MYZAP: variants seen among roughly 807,000 people sequenced by gnomAD.
MYZAP encodes the protein myocardial zonula adherens protein, also known as GRINL1A complex locus upstream.
MYZAP carries 66 observed loss-of-function variants against 69.4 expected under a neutral mutation model. The observed-to-expected ratio is 0.95, with a 90% CI of 0.78 to 1.17. The LOEUF (loss-of-function observed/expected upper bound fraction) is 1.17. Among genes scored for constraint, MYZAP ranks in the 50% most tolerant of loss-of-function variants. The probability of loss-of-function intolerance (pLI) is 0.00; values close to 1 mark genes in which losing one functional copy is unlikely to be tolerated. For missense variants in MYZAP, 611 were observed against 556.2 expected (o/e 1.10, Z -0.99); for synonymous variants, 256 against 205.9 (o/e 1.24, Z -2.09).
intron 2 of MYZAP, among the ~76,000 whole-genome samples, chr15:57,617,487 C>T (rs6493937): frequency 0.31 from 47,525 of 151,980 alleles, 7,673 homozygotes; most frequent in East Asian, 0.55. Flanking sequence ...GTCACACCAC[C>T]TCTTCCTGGC....
At chr15:57,669,381 G>A (rs555434513) in intron 11 of MYZAP, among the ~76,000 whole-genome samples, 1 of 152,118 alleles carries the variant, frequency 6.6e-6, no homozygotes, top group Admixed American at 6.5e-5. Context: ...TTTGGGTTTT[G>A]TGTGAAGCAA....
At position 57,685,263 on chromosome 15, in the gene MYZAP, T is replaced by A. The variant is rs1336813656; in HGVS notation, c.*765T>A. On this transcript the variant is annotated 3_prime_UTR_variant, in exon 13 of 13. Coordinates refer to ENST00000267853, the MANE Select transcript of MYZAP (RefSeq NM_001018100.5). ...TTAGTGTTCTCAGTATCAATTGGTG[T>A]TTTTGTTAAACGAATGAATCATCTG... is the stretch of plus-strand genomic sequence containing the variant. 2.0e-5 allele frequency: 3 copies of A among 152,246 alleles called. No homozygotes were observed. The highest frequency in any genetic ancestry group is 7.2e-5 in the African/African-American group (3 of 41,458). The allele number at this position is 152,246 out of a possible 1,614,324, so 9.4% of individuals were successfully genotyped here.
intron 1 of MYZAP, among the ~76,000 whole-genome samples, chr15:57,601,685 C>T (rs142548098): frequency 1.4e-4 from 22 of 152,130 alleles, no homozygotes; most frequent in South Asian, 6.2e-4. Context: ...TCCGGGGTCC[C>T]TGGGGGATGA....
At position 57,610,449 on chromosome 15, in the gene MYZAP, G is replaced by A. The variant is rs144790496; in HGVS notation, c.162+6094G>A. Among the ~76,000 whole-genome samples, 162 of 152,240 alleles carry A rather than the reference G, an allele frequency of 1.1e-3. 2 individuals are homozygous for A. The South Asian group carries it at 0.015, about 14-fold the overall frequency. On this transcript the variant is annotated intron_variant, in intron 2 of 12. Coordinates refer to ENST00000267853, the MANE Select transcript of MYZAP (RefSeq NM_001018100.5). ...TGATTCAGAGCTTCAGGTGGGGGCCGGGCTGCCCTTTGTGACAGCACACCA... is the reference window on the plus strand; with the variant it reads ...TGATTCAGAGCTTCAGGTGGGGGCCAGGCTGCCCTTTGTGACAGCACACCA...
In MYZAP at chr15:57,637,737, GA is replaced by G. The variant is rs1441320248; in HGVS notation, c.979del (p.Met327CysfsTer5). On this transcript the variant is annotated frameshift_variant, in exon 9 of 13. Transcript: ENST00000267853. LOFTEE classifies it high-confidence loss of function. The part of the protein sequence containing the change: ...LQLQLLEHET[E>X]MSGELTDSDK... ...ACTTCAACTCCTAGAACATGAAACA[GA>G]AATGTCTGGGGAGTTAACTGATTCT... 3 of 1,612,892 alleles carry G rather than the reference GA, an allele frequency of 1.9e-6. No individual in the cohort carries two copies. In the South Asian group the frequency reaches 3.3e-5, roughly 18 times the overall value.
At chr15:57,669,945 T>C (rs1192663047) in intron 11 of MYZAP, among the ~76,000 whole-genome samples, 1 of 152,182 alleles carries the variant, frequency 6.6e-6, no homozygotes, top group African/African-American at 2.4e-5. Flanking sequence ...TTGAAATTTT[T>C]GTTGATATTT....
intron 8 of MYZAP, among the ~76,000 whole-genome samples, chr15:57,634,768 A>G (rs1407405205): frequency 1.3e-5 from 2 of 152,202 alleles, no homozygotes; most frequent in African/African-American, 4.8e-5. Context: ...TGGGCAAACT[A>G]AAGAGTCAAT....
chr15:57,607,449 G>T (rs951826663), intron 2 of MYZAP, among the ~76,000 whole-genome samples: 2 of 151,780 alleles, frequency 1.3e-5, no homozygotes, highest in African/African-American at 4.9e-5. Context: ...CTTGTCAATA[G>T]GACCCTCTTT....
At position 57,645,490 on chromosome 15, in the gene MYZAP, C is replaced by A. The variant is rs2037397075; in HGVS notation, c.1119+5945C>A. On this transcript the variant is annotated intron_variant, in intron 10 of 12. Coordinates refer to ENST00000267853, the MANE Select transcript of MYZAP (RefSeq NM_001018100.5). ...TGGACTTTAGCATCAGACAAACCTG[C>A]CTTTGAAAAGTTATTAGTTTCCTTG... Among the ~76,000 whole-genome samples, 4 of 152,120 alleles carry A rather than the reference C, an allele frequency of 2.6e-5. 1 individual carries two copies. Among genetic ancestry groups the A allele is most frequent in the Middle Eastern group, 6.3e-3 (2 of 316 alleles).
Position 57,592,013 on chromosome 15 carries a change from C to A in MYZAP, c.-22C>A, listed in dbSNP as rs1449104255. ...CCGGGAGGAACGCCGGCGTCCAGCC[C>A]GCTACCGACCGCCGCTGCGGGATGC... On this transcript the variant is annotated 5_prime_UTR_variant, in exon 1 of 13. Coordinates refer to ENST00000267853, the MANE Select transcript of MYZAP (RefSeq NM_001018100.5). 12 of 1,429,970 alleles carry A rather than the reference C, an allele frequency of 8.4e-6. No homozygotes were observed. Among genetic ancestry groups the A allele is most frequent in the Non-Finnish European group, 1.1e-5 (12 of 1,095,430 alleles). The allele number at this position is 1,429,970 out of a possible 1,614,324, so 88.6% of individuals were successfully genotyped here. A position where few individuals can be genotyped will look rare whatever the true frequency, so the allele number is the denominator to read the frequency against.
intron 8 of MYZAP, among the ~76,000 whole-genome samples, chr15:57,636,765 A>G (rs2036841270): frequency 6.6e-6 from 1 of 152,238 alleles, no homozygotes; most frequent in African/African-American, 2.4e-5. Context: ...GCAAACTTCT[A>G]AATATACATA....
At chr15:57,636,760 C>T (rs1192591060) in intron 8 of MYZAP, among the ~76,000 whole-genome samples, 6 of 152,122 alleles carry the variant, frequency 3.9e-5, no homozygotes, top group Non-Finnish European at 1.5e-5. Flanking sequence ...TTTGGGCAAA[C>T]TTCTAAATAT....
At chr15:57,620,912 A>G (rs1163014142) in intron 3 of MYZAP, among the ~76,000 whole-genome samples, 2 of 151,484 alleles carry the variant, frequency 1.3e-5, no homozygotes, top group East Asian at 3.9e-4. Context: ...TCAACAAACC[A>G]TTTTTTCTTC....
intron 1 of MYZAP, among the ~76,000 whole-genome samples, chr15:57,596,065 T>C (rs1426215180): frequency 6.6e-6 from 1 of 152,210 alleles, no homozygotes; most frequent in Non-Finnish European, 1.5e-5. Context: ...TCTTTCACAT[T>C]GCCTTGTTTG....
intron 10 of MYZAP, chr15:57,648,242 A>T (rs906356691): frequency 1.1e-5 from 11 of 985,278 alleles, no homozygotes; most frequent in Non-Finnish European, 1.3e-5. Flanking sequence ...GGTTCATTCT[A>T]TGACAGGTAT....
chr15:57,618,150 A>T lies in MYZAP; in HGVS notation c.280A>T (p.Thr94Ser). 1.9e-6 allele frequency: 3 copies of T among 1,614,170 alleles called. No homozygotes were observed. The highest frequency in any genetic ancestry group is 2.5e-6 in the Non-Finnish European group (3 of 1,180,020). The change falls in exon 3 of 13, where the codon ACC becomes TCC. Residue 94 changes from threonine (T) to serine (S), a missense_variant. Transcript: ENST00000267853. ...QKEMVVYGWSTSQLKEEMNYI... is the reference protein window; with the variant it reads ...QKEMVVYGWSSSQLKEEMNYI... ...AGAAATGGTGGTGTATGGGTGGTCC[A>T]CCAGTCAGCTGAAAGAAGAGATGAA...
chr15:57,618,609 A>T (rs1459875150), intron 3 of MYZAP, among the ~76,000 whole-genome samples: 1 of 152,214 alleles, frequency 6.6e-6, no homozygotes, highest in Admixed American at 6.5e-5. Flanking sequence ...ACTTTGTCCA[A>T]CCAAGCCAAT....
intron 10 of MYZAP, among the ~76,000 whole-genome samples, chr15:57,642,988 C>G (rs994105489): frequency 6.6e-6 from 1 of 152,078 alleles, no homozygotes. Flanking sequence ...AATGTGGAAC[C>G]AAGTCCCTCT....
intron 12 of MYZAP, among the ~76,000 whole-genome samples, chr15:57,683,260 T>G (rs2039529487): frequency 6.6e-6 from 1 of 152,164 alleles, no homozygotes; most frequent in Non-Finnish European, 1.5e-5. Flanking sequence ...CTTTGTCCTC[T>G]CATTCCCTGA....
Sources: allele counts gnomAD v4.1 joint callset (sites outside exome capture counted in the v4.1 genomes callset), GRCh38; gene constraint gnomAD v4.1.1; transcripts MANE v1.5; gene names NCBI Gene and HGNC (gene_info 2026-07-23, HGNC 2026-07-21).